FER: variants seen among roughly 807,000 people sequenced by gnomAD.
FER encodes the protein FER tyrosine kinase.
FER carries 63 observed loss-of-function variants against 111.0 expected under a neutral mutation model. The observed-to-expected ratio is 0.57, with a 90% confidence interval of 0.46 to 0.70. The LOEUF (loss-of-function observed/expected upper bound fraction) is 0.70. Among genes scored for constraint, FER ranks in the 30% least tolerant of loss-of-function variants. The pLI, the probability that FER is intolerant of heterozygous loss-of-function variation, is 0.00. For missense variants in FER, 914 were observed against 954.0 expected (o/e 0.96, Z 0.55); for synonymous variants, 327 against 313.9 (o/e 1.04, Z -0.44).
chr5:108,819,924 G>T (rs1482204231), intron 3 of FER: 1 of 985,074 alleles, frequency 1.0e-6, no homozygotes, highest in African/African-American at 1.8e-5. Context: ...GGTTGGAGGA[G>T]GAAAGAGAGG....
chr5:108,781,019 T>G, intron 2 of FER, among the ~76,000 whole-genome samples: 1 of 152,196 alleles, frequency 6.6e-6, no homozygotes, highest in East Asian at 1.9e-4. Context: ...GTCTTAGAAT[T>G]TTCATTTCTC....
intron 16 of FER, among the ~76,000 whole-genome samples, chr5:109,093,206 G>T (rs1747046620): frequency 6.6e-6 from 1 of 152,132 alleles, no homozygotes; most frequent in African/African-American, 2.4e-5. Context: ...GTTAAGATTG[G>T]ACTGTACATT....
chr5:109,170,237 C>T (rs1165818649), intron 17 of FER, among the ~76,000 whole-genome samples: 1 of 152,094 alleles, frequency 6.6e-6, no homozygotes, highest in Non-Finnish European at 1.5e-5. Context: ...TTAGTCCTCC[C>T]AATATATTCT....
chr5:108,983,357 TC>T (rs1762212068), intron 13 of FER, among the ~76,000 whole-genome samples: 1 of 152,102 alleles, frequency 6.6e-6, no homozygotes, highest in Non-Finnish European at 1.5e-5. Flanking sequence ...AAACCCCTAT[TC>T]TTTTACTTTA....
At chr5:108,920,039 A>T (rs1265540262) in intron 10 of FER, among the ~76,000 whole-genome samples, 2 of 150,788 alleles carry the variant, frequency 1.3e-5, no homozygotes, top group African/African-American at 4.9e-5. Context: ...AGTTTTTAGT[A>T]TTTTCATTTC....
intron 16 of FER, among the ~76,000 whole-genome samples, chr5:109,057,350 GAGA>G (rs1773784517): frequency 6.6e-6 from 1 of 152,172 alleles, no homozygotes. Context: ...CTAGTCCTTT[GAGA>G]AGATTAGTAA....
chr5:108,772,413 C>T (rs1197032861), intron 2 of FER, among the ~76,000 whole-genome samples: 1 of 132,212 alleles, frequency 7.6e-6, no homozygotes, highest in Non-Finnish European at 1.7e-5. Context: ...TCTTATGCCT[C>T]TTTATTCTTT....
At chr5:109,128,200 G>T (rs17161612) in intron 17 of FER, among the ~76,000 whole-genome samples, 60,228 of 151,434 alleles carry the variant, frequency 0.4, 12,186 homozygotes, top group African/African-American at 0.43. Context: ...ACACAAGTCA[G>T]TAGCATCATA....
At chr5:108,807,842 G>A (rs1757360500) in intron 3 of FER, among the ~76,000 whole-genome samples, 1 of 151,992 alleles carries the variant, frequency 6.6e-6, no homozygotes, top group South Asian at 2.1e-4. Flanking sequence ...TTCAGATAAT[G>A]TTTTGATTTC....
chr5:109,149,714 C>T (rs888068627), intron 17 of FER, among the ~76,000 whole-genome samples: 4 of 151,982 alleles, frequency 2.6e-5, no homozygotes, highest in Non-Finnish European at 4.4e-5. Flanking sequence ...TGGAAACACG[C>T]TTATAAGATA....
intron 13 of FER, among the ~76,000 whole-genome samples, chr5:109,019,276 C>G (rs571053774): frequency 3.3e-5 from 5 of 151,638 alleles, no homozygotes; most frequent in Admixed American, 6.6e-5. Flanking sequence ...TAGCCATGCC[C>G]TCATAAAATT....
At chr5:109,111,817 C>T (rs1749655657) in intron 17 of FER, among the ~76,000 whole-genome samples, 1 of 152,132 alleles carries the variant, frequency 6.6e-6, no homozygotes, top group Non-Finnish European at 1.5e-5. Flanking sequence ...ATGATCCAAT[C>T]ACCTCCCATC....
At chr5:109,115,239 A>T (rs1172718254) in intron 17 of FER, among the ~76,000 whole-genome samples, 1 of 152,160 alleles carries the variant, frequency 6.6e-6, no homozygotes, top group Non-Finnish European at 1.5e-5. Flanking sequence ...TAGGCAAAAG[A>T]TGAGAAAGGC....
Position 109,180,280 on chromosome 5 carries a change from T to C in FER, c.2049-467T>C, listed in dbSNP as rs569497721. ...AATTGTCTTATCAGAGTCTACTCAGTATCTACTAGGCACATGCAGCTATTT... is the reference window on the plus strand; with the variant it reads ...AATTGTCTTATCAGAGTCTACTCAGCATCTACTAGGCACATGCAGCTATTT... On this transcript the variant is annotated intron_variant, in intron 17 of 19. Coordinates refer to ENST00000281092, the MANE Select transcript of FER (RefSeq NM_005246.4). Among the ~76,000 whole-genome samples, 7 of 152,314 alleles carry C rather than the reference T, an allele frequency of 4.6e-5. No individual in the cohort carries two copies. In the South Asian group the frequency reaches 1.4e-3, roughly 32 times the overall value.
chr5:109,184,746 G>A lies in FER; in HGVS notation c.2204-1454G>A, dbSNP rs186394271. ...ATAATTACTATCTATCTACTAAGAAGGACGCTACTTCACACAGCTGGAGCT... is the reference window on the plus strand; with the variant it reads ...ATAATTACTATCTATCTACTAAGAAAGACGCTACTTCACACAGCTGGAGCT... On this transcript the variant is annotated intron_variant, in intron 18 of 19. Coordinates refer to ENST00000281092, the MANE Select transcript of FER (RefSeq NM_005246.4). 9.1e-4 allele frequency among the ~76,000 whole-genome samples: 138 copies of A among 152,304 alleles called. 1 individual carries two copies. The highest frequency in any genetic ancestry group is 3.4e-3 in the Middle Eastern group (1 of 294).
At chr5:108,819,906 G>T (rs1181698821) in intron 3 of FER, 4 of 985,308 alleles carry the variant, frequency 4.1e-6, no homozygotes, top group Non-Finnish European at 3.6e-6. Context: ...AGATGAAAAG[G>T]TTGATTGGGT....
chr5:109,146,272 A>ATATATATATATATATATATATC (rs1754186378), intron 17 of FER, among the ~76,000 whole-genome samples: 1 of 53,230 alleles, frequency 1.9e-5, no homozygotes, highest in South Asian at 4.5e-4. Context: ...ATATATATAT[A>ATATATATATATATATATATATC]TATATATATA....
intron 11 of FER, among the ~76,000 whole-genome samples, chr5:108,953,878 G>A (rs1048811698): frequency 6.6e-6 from 1 of 151,990 alleles, no homozygotes; most frequent in Non-Finnish European, 1.5e-5. Context: ...TTTAGTTCCT[G>A]TGTGCCATAA....
Position 109,160,044 on chromosome 5 carries a change from T to G in FER, c.2049-20703T>G, listed in dbSNP as rs574544727. Among the ~76,000 whole-genome samples the G allele has an allele frequency of 2.6e-5, 4 of 152,338 alleles. No homozygotes were observed. In the South Asian group the frequency reaches 8.3e-4, roughly 32 times the overall value. On this transcript the variant is annotated intron_variant, in intron 17 of 19. Transcript: ENST00000281092. ...TGGGAGGAAAGAAATGAACCAGAGA[T>G]ATCTTTTTGTCTCAAATCAAGTAAA...
Sources: gnomAD v4.1 joint callset for allele counts (sites outside exome capture counted in the v4.1 genomes callset) on GRCh38, gnomAD v4.1.1 for gene constraint, MANE v1.5 for transcripts, NCBI Gene and HGNC (gene_info 2026-07-23, HGNC 2026-07-21) for gene names.